SPHKAP: variants seen among roughly 807,000 people sequenced by gnomAD.
SPHKAP encodes SPHK1 interactor, AKAP domain containing, also known as A-kinase anchor protein SPHKAP.
In SPHKAP, 67 loss-of-function variants were observed where a neutral mutation model predicts 137.5. The ratio of observed to expected loss-of-function variants is 0.49; its 90% CI spans 0.40 to 0.60. The LOEUF (loss-of-function observed/expected upper bound fraction) is 0.60, where lower values mean the gene tolerates loss of function less well. Among genes scored for constraint, SPHKAP ranks in the 20% least tolerant of loss-of-function variants. SPHKAP has a pLI of 0.00. For synonymous variants in SPHKAP, 813 were observed against 785.3 expected (o/e 1.04, Z -0.59); for missense variants, 2,097 against 2,069.3 (o/e 1.01, Z -0.26).
chr2:227,995,844 A>G (rs1244528753), intron 7 of SPHKAP, 150 bp from the exon 8 acceptor site: 2 of 1,256,546 alleles, frequency 1.6e-6, no homozygotes, highest in East Asian at 5.7e-5. Context: ...CTGGTGCCCT[A>G]GGTCCCATTT....
At chr2:227,983,176 A>G (rs1693067765) in intron 11 of SPHKAP, among the ~76,000 whole-genome samples, 1 of 152,126 alleles carries the variant, frequency 6.6e-6, no homozygotes, top group Non-Finnish European at 1.5e-5. Context: ...AGGAACTGGA[A>G]TGCTAATTTC....
At chr2:228,077,553 T>C (rs1204658326) in intron 3 of SPHKAP, among the ~76,000 whole-genome samples, 1 of 152,260 alleles carries the variant, frequency 6.6e-6, no homozygotes, top group Non-Finnish European at 1.5e-5. Flanking sequence ...ATGGGGCCTG[T>C]AGCCCCTTTG....
chr2:228,165,142 C>T (rs889022892), intron 1 of SPHKAP, among the ~76,000 whole-genome samples: 1 of 146,438 alleles, frequency 6.8e-6, no homozygotes, highest in Non-Finnish European at 1.5e-5. Flanking sequence ...AGACTTGTTT[C>T]TGTGGCAGCA....
intron 1 of SPHKAP, among the ~76,000 whole-genome samples, chr2:228,143,067 A>G (rs1423692720): frequency 6.6e-6 from 1 of 152,180 alleles, no homozygotes; most frequent in African/African-American, 2.4e-5. Context: ...TAATTAAAAA[A>G]AACCCTAAAC....
intron 1 of SPHKAP, among the ~76,000 whole-genome samples, chr2:228,158,048 A>T (rs572221085): frequency 1.2e-4 from 19 of 152,352 alleles, no homozygotes; most frequent in African/African-American, 4.6e-4. Flanking sequence ...CACACTTGGA[A>T]AAGGTCAAGA....
chr2:228,018,690 T>G lies in SPHKAP; in HGVS notation c.2164A>C (p.Lys722Gln). The change falls in exon 7 of 12, where the codon AAG becomes CAG. Residue 722 changes from lysine to glutamine, a missense_variant. Lys to Gln is a moderately conservative substitution (Grantham distance 53). Transcript: ENST00000392056. ...LLLDVICFTFKKMSHIVRLGE... is the reference protein window; with the variant it reads ...LLLDVICFTFQKMSHIVRLGE... Reference sequence around the variant, plus strand: ...AGCCGTACAATATGACTCATCTTCTTGAACGTGAAGCATATCACATCTAAA... The same window carrying G: ...AGCCGTACAATATGACTCATCTTCTGGAACGTGAAGCATATCACATCTAAA... 6.2e-7 allele frequency: 1 copy of G among 1,614,240 alleles called. No homozygotes were observed. The highest frequency in any genetic ancestry group is 8.5e-7 in the Non-Finnish European group (1 of 1,180,044).
Position 227,993,652 on chromosome 2 carries a change from C to T in SPHKAP, c.4635-32G>A, listed in dbSNP as rs746982869. On this transcript the variant is annotated intron_variant, in intron 8 of 11. Coordinates refer to ENST00000392056, the MANE Select transcript of SPHKAP (RefSeq NM_001142644.2). Reference sequence around the variant, plus strand: ...AAGCAAAAGTTTACATATTAATGCCCGTCTCCACCCTCTAACATGCTGCTG... The same window carrying T: ...AAGCAAAAGTTTACATATTAATGCCTGTCTCCACCCTCTAACATGCTGCTG... The T allele has an allele frequency of 2.5e-5, 38 of 1,522,814 alleles. No homozygotes were observed. The South Asian group carries it at 2.5e-4, about 10-fold the overall frequency. 94.3% of individuals were successfully genotyped at this position (1,522,814 alleles called of 1,614,324 possible).
chr2:228,043,214 G>C (rs1202162083), intron 3 of SPHKAP, among the ~76,000 whole-genome samples: 2 of 152,180 alleles, frequency 1.3e-5, no homozygotes, highest in African/African-American at 2.4e-5. Context: ...TGTATGTACA[G>C]ATCAAACCCG....
chr2:228,017,225 G>T lies in SPHKAP; in HGVS notation c.3629C>A (p.Ala1210Asp), dbSNP rs137869603. 69 of 1,613,868 alleles carry T rather than the reference G, an allele frequency of 4.3e-5. No homozygotes were observed. The highest frequency in any genetic ancestry group is 5.6e-5 in the Non-Finnish European group (66 of 1,180,010). Residue 1210 changes from alanine to aspartate, a missense_variant, in exon 7 of 12, where the codon GCC becomes GAC. Ala to Asp is a moderately radical substitution (Grantham distance 126). Transcript: ENST00000392056. ...ATCCTGGCTGCTCCGTCTGGAGGAG[G>T]CACTTTCTCTGCTGTCTCTTTCGAT... is the stretch of plus-strand genomic sequence containing the variant. The part of the protein sequence containing the change: ...RDIERDSRES[A>D]SSRRSSQDWT...
At chr2:228,001,079 T>C (rs1693837688) in intron 7 of SPHKAP, among the ~76,000 whole-genome samples, 1 of 152,022 alleles carries the variant, frequency 6.6e-6, no homozygotes, top group Admixed American at 6.6e-5. Context: ...TTTGGGATTC[T>C]AATATGTATG....
At chr2:228,136,350 CA>C (rs1202842475) in intron 1 of SPHKAP, among the ~76,000 whole-genome samples, 1 of 152,154 alleles carries the variant, frequency 6.6e-6, no homozygotes, top group Non-Finnish European at 1.5e-5. Context: ...AAAGAAGGCA[CA>C]AAACCAAATT....
At chr2:228,105,725 A>C (rs1168905459) in intron 3 of SPHKAP, among the ~76,000 whole-genome samples, 2 of 152,040 alleles carry the variant, frequency 1.3e-5, no homozygotes, top group African/African-American at 4.8e-5. Flanking sequence ...GAGCTGATGT[A>C]TTTATAAGGG....
Position 227,991,153 on chromosome 2 carries a change from G to A in SPHKAP, c.4806C>T (p.Ala1602=). The change falls in exon 11 of 12, where the codon GCC becomes GCT. Residue 1602 remains alanine (A), a synonymous_variant. Transcript: ENST00000392056. ...TCACCAGCAGGCTCCTCTGGGGGCTGGCTGTTCCCGTAGGCGGTCCAGATG... is the reference window on the plus strand; with the variant it reads ...TCACCAGCAGGCTCCTCTGGGGGCTAGCTGTTCCCGTAGGCGGTCCAGATG... ...APASGPPTGT[A]SPQRSLLVIN... 4 of 1,614,092 alleles carry A rather than the reference G, an allele frequency of 2.5e-6. No homozygotes were observed. The highest frequency in any genetic ancestry group is 3.4e-6 in the Non-Finnish European group (4 of 1,180,002).
chr2:228,016,441 A>G lies in SPHKAP; in HGVS notation c.4413T>C (p.Gly1471=). 2 of 1,608,654 alleles carry G rather than the reference A, an allele frequency of 1.2e-6. No individual in the cohort carries two copies. Among genetic ancestry groups the G allele is most frequent in the Non-Finnish European group, 1.7e-6 (2 of 1,178,122 alleles). The change falls in exon 7 of 12, where the codon GGT becomes GGC. Residue 1471 remains glycine (G), a synonymous_variant. Transcript: ENST00000392056. ...GACAAGCGCTCACGGCTGTGTCTCC[A>G]CCTCTCACCACATCTGGGATGTTTT... ...NDKNIPDVVR[G]GDTAVSACQI...
At chr2:228,055,962 C>T (rs934678884) in intron 3 of SPHKAP, among the ~76,000 whole-genome samples, 6 of 152,222 alleles carry the variant, frequency 3.9e-5, no homozygotes, top group African/African-American at 1.4e-4. Flanking sequence ...TCTGATGTTG[C>T]TATCAGGATG....
chr2:228,039,972 T>A (rs1363375805), intron 3 of SPHKAP, among the ~76,000 whole-genome samples: 1 of 152,184 alleles, frequency 6.6e-6, no homozygotes, highest in Non-Finnish European at 1.5e-5. Flanking sequence ...GTGCAAGGGG[T>A]CAGATGACAG....
chr2:228,131,062 G>A (rs1415628406), intron 2 of SPHKAP, among the ~76,000 whole-genome samples: 3 of 151,862 alleles, frequency 2.0e-5, no homozygotes, highest in South Asian at 2.1e-4. Flanking sequence ...AGTCACACAA[G>A]CAGAGAATTA....
intron 1 of SPHKAP, among the ~76,000 whole-genome samples, chr2:228,177,087 AC>A (rs1010374030): frequency 9.4e-5 from 11 of 116,616 alleles, no homozygotes; most frequent in African/African-American, 3.6e-4. Flanking sequence ...GATTGTAAGG[AC>A]CCATTTACAA....
chr2:228,117,960 T>C (rs545433813), intron 2 of SPHKAP, among the ~76,000 whole-genome samples: 2 of 151,818 alleles, frequency 1.3e-5, no homozygotes, highest in Non-Finnish European at 2.9e-5. Context: ...TACTAAGAGA[T>C]AAAAAGACAA....
Sources: allele counts gnomAD v4.1 joint callset (sites outside exome capture counted in the v4.1 genomes callset), GRCh38; gene constraint gnomAD v4.1.1; transcripts MANE v1.5; gene names NCBI Gene and HGNC (gene_info 2026-07-23, HGNC 2026-07-21).